MYH14: variants seen among roughly 807,000 people sequenced by gnomAD.
The protein encoded by MYH14 is myosin heavy chain 14, also known as myosin-14.
Under a neutral mutation model 255.5 loss-of-function variants are expected in MYH14, and 123 were observed. The observed-to-expected ratio is 0.48, with a 90% confidence interval of 0.42 to 0.56. The LOEUF is 0.56. Among genes scored for constraint, MYH14 ranks in the 20% least tolerant of loss-of-function variants. The pLI is 0.00. For missense variants in MYH14, 2,423 were observed against 2,802.3 expected, an observed-to-expected ratio of 0.86 and a Z score of 3.06; for synonymous variants, 1,095 against 1,161.2, an observed-to-expected ratio of 0.94 and a Z score of 1.16.
intron 33 of MYH14, among the ~76,000 whole-genome samples, chr19:50,282,595 C>T (rs773286880): frequency 3.3e-5 from 5 of 151,962 alleles, no homozygotes; most frequent in Non-Finnish European, 7.4e-5. Flanking sequence ...CCTAGCTACT[C>T]GGGAGGCTGA....
chr19:50,214,243 G>T (rs1010721472), intron 2 of MYH14, among the ~76,000 whole-genome samples: 19 of 152,298 alleles, frequency 1.2e-4, no homozygotes, highest in African/African-American at 3.4e-4. Flanking sequence ...ACCCTGAAAG[G>T]TTGCTTGCTG....
At position 50,210,096 on chromosome 19, in the gene MYH14, C is replaced by CAA. The variant is rs71180680; in HGVS notation, c.-3-236_-3-235dup. ...CTGGGCAACAAGCGAGACTCCGTCTCAAAAAAAAAAAAAAAAAAAAAAAAA... is the reference window on the plus strand; with the variant it reads ...CTGGGCAACAAGCGAGACTCCGTCTCAAAAAAAAAAAAAAAAAAAAAAAAAAA... On this transcript the variant is annotated intron_variant, in intron 1 of 42. Transcript: ENST00000642316. Among the ~76,000 whole-genome samples the CAA allele has an allele frequency of 4.9e-3, 291 of 59,616 alleles. 27 individuals are homozygous for CAA. Among genetic ancestry groups the CAA allele is most frequent in the African/African-American group, 0.011 (177 of 16,676 alleles). The allele number at this position is 59,616 out of a possible 152,430, so 39.1% of individuals were successfully genotyped here.
intron 21 of MYH14, among the ~76,000 whole-genome samples, chr19:50,262,239 G>C (rs373633073): frequency 2.0e-5 from 3 of 152,154 alleles, no homozygotes; most frequent in South Asian, 2.1e-4. Context: ...GGGAGTTTGC[G>C]GGAGAGTCTC....
Position 50,271,342 on chromosome 19 carries a change from C to T in MYH14, c.3034-67C>T, listed in dbSNP as rs1180327476. The T allele has an allele frequency of 1.1e-5, 17 of 1,530,568 alleles. No individual in the cohort carries two copies. The Admixed American group carries it at 3.3e-4, about 30-fold the overall frequency. 94.8% of individuals were successfully genotyped at this position (1,530,568 alleles called of 1,614,324 possible). A position where few individuals can be genotyped will look rare whatever the true frequency, so the allele number is the denominator to read the frequency against. On this transcript the variant is annotated intron_variant, in intron 24 of 42. Transcript: ENST00000642316. ...ATCCGTGGGCCAGCCATCCCCGCTC[C>T]CATCCTTCCCCATCACACTCCATCT...
chr19:50,292,155 C>A, intron 36 of MYH14, 106 bp from the exon 37 acceptor site: 1 of 1,218,530 alleles, frequency 8.2e-7, no homozygotes, highest in Non-Finnish European at 1.1e-6. Context: ...GAGTTCCCTG[C>A]TTGTTCACGG....
chr19:50,248,353 C>A (rs1251109901), intron 12 of MYH14, among the ~76,000 whole-genome samples: 1 of 152,000 alleles, frequency 6.6e-6, no homozygotes, highest in Admixed American at 6.6e-5. Flanking sequence ...GGCGGGGAGA[C>A]CTAAGGAGGC....
At chr19:50,308,899 G>C (rs1390614906) in intron 41 of MYH14, 106 bp from the exon 42 acceptor site, 62 of 1,121,670 alleles carry the variant, frequency 5.5e-5, no homozygotes, top group Non-Finnish European at 1.0e-5. Flanking sequence ...GGATGGGGCA[G>C]AGAGAGTCAG....
At chr19:50,302,114 A>T (rs2036504204) in intron 40 of MYH14, among the ~76,000 whole-genome samples, 1 of 96,870 alleles carries the variant, frequency 1.0e-5, no homozygotes. Flanking sequence ...CCTCATCTCT[A>T]AAAAAAAAAA....
chr19:50,295,192 G>A (rs2036223938), intron 39 of MYH14, among the ~76,000 whole-genome samples: 1 of 151,848 alleles, frequency 6.6e-6, no homozygotes, highest in Non-Finnish European at 1.5e-5. Context: ...GGGCATGGTG[G>A]CATGTACCTG....
Position 50,250,323 on chromosome 19 carries a change from G to A in MYH14, c.1657-192G>A, listed in dbSNP as rs551259726. Among the ~76,000 whole-genome samples, 12 of 146,408 alleles carry A rather than the reference G, an allele frequency of 8.2e-5. No individual in the cohort carries two copies. The highest frequency in any genetic ancestry group is 1.5e-4 in the African/African-American group (6 of 40,024). On this transcript the variant is annotated intron_variant, in intron 14 of 42. Coordinates refer to ENST00000642316, the MANE Select transcript of MYH14 (RefSeq NM_001145809.2). The surrounding 1 kb of genome is among the most constrained non-coding windows in gnomAD (Gnocchi z 5.4). ...TCACTGTGTTAGCCAGGATGGTCTC[G>A]ATCTCCTGACCTCGTGATCTACCCG...
At chr19:50,207,312 A>AGAGAGAGAGAGAGG (rs1438345270) in intron 1 of MYH14, among the ~76,000 whole-genome samples, 14 of 148,356 alleles carry the variant, frequency 9.4e-5, no homozygotes, top group Non-Finnish European at 1.9e-4. Context: ...AGAGAGAGAG[A>AGAGAGAGAGAGAGG]GACTAGGGGC....
At position 50,255,338 on chromosome 19, in the gene MYH14, G is replaced by C. The variant is rs1433456065; in HGVS notation, c.2044+20G>C. On this transcript the variant is annotated intron_variant, in intron 17 of 42. Transcript: ENST00000642316. ...CAGGGGGTGGGTGTCTCTGTGCATC[G>C]ATGGGTGAGGCTTGCTGGAGGAGGA... 6.5e-7 allele frequency: 1 copy of C among 1,533,032 alleles called. No homozygotes were observed. Among genetic ancestry groups the C allele is most frequent in the East Asian group, 2.4e-5 (1 of 40,820 alleles). The allele number at this position is 1,533,032 out of a possible 1,614,324, so 95.0% of individuals were successfully genotyped here. A position where few individuals can be genotyped will look rare whatever the true frequency, so the allele number is the denominator to read the frequency against.
At chr19:50,244,387 G>A in intron 11 of MYH14, 50 bp downstream of exon 11, 2 of 1,516,752 alleles carry the variant, frequency 1.3e-6, no homozygotes, top group Non-Finnish European at 1.8e-6. Flanking sequence ...CGCCCAGGTG[G>A]TGCCCAGCCC....
At chr19:50,288,606 A>T (rs1284995807) in intron 34 of MYH14, among the ~76,000 whole-genome samples, 2 of 152,200 alleles carry the variant, frequency 1.3e-5, no homozygotes, top group Non-Finnish European at 2.9e-5. Flanking sequence ...CCGAAAGTAG[A>T]TACTGTCAGT....
chr19:50,255,333 G>A lies in MYH14; in HGVS notation c.2044+15G>A, dbSNP rs1447297739. The A allele has an allele frequency of 6.5e-7, 1 of 1,542,020 alleles. No homozygotes were observed. The highest frequency in any genetic ancestry group is 1.4e-5 in the African/African-American group (1 of 72,808). On this transcript the variant is annotated intron_variant, in intron 17 of 42. Transcript: ENST00000642316. ...TCCGCCAGGGGGTGGGTGTCTCTGTGCATCGATGGGTGAGGCTTGCTGGAG... is the reference window on the plus strand; with the variant it reads ...TCCGCCAGGGGGTGGGTGTCTCTGTACATCGATGGGTGAGGCTTGCTGGAG...
intron 10 of MYH14, among the ~76,000 whole-genome samples, chr19:50,241,968 T>C (rs1167544579): frequency 2.0e-5 from 3 of 152,242 alleles, no homozygotes; most frequent in Non-Finnish European, 2.9e-5. Context: ...AGCCTCACTG[T>C]GTATTAAAAC....
chr19:50,304,541 G>A, intron 40 of MYH14, among the ~76,000 whole-genome samples: 1 of 151,552 alleles, frequency 6.6e-6, no homozygotes, highest in Non-Finnish European at 1.5e-5. Flanking sequence ...AGTGAGCCGA[G>A]ATCACACCAC....
At chr19:50,264,985 T>A (rs1156311259) in intron 22 of MYH14, among the ~76,000 whole-genome samples, 1 of 152,198 alleles carries the variant, frequency 6.6e-6, no homozygotes, top group South Asian at 2.1e-4. Context: ...GAGATCAGCC[T>A]GCATTCCCTT....
chr19:50,257,719 A>G (rs1019009285), intron 18 of MYH14, among the ~76,000 whole-genome samples: 1 of 152,186 alleles, frequency 6.6e-6, no homozygotes, highest in Non-Finnish European at 1.5e-5. Flanking sequence ...GAGGCATTGG[A>G]GAGAAAGGCA....
Sources: gnomAD v4.1 joint callset for allele counts (sites outside exome capture counted in the v4.1 genomes callset) on GRCh38, gnomAD v4.1.1 for gene constraint, Gnocchi (gnomAD v3.1) non-coding constraint, MANE v1.5 for transcripts, NCBI Gene and HGNC (gene_info 2026-07-23, HGNC 2026-07-21) for gene names.